The following GDA variants were observed in gnomAD, a reference collection of about 807,000 sequenced individuals.
The protein encoded by GDA is guanine deaminase.
A neutral mutation model predicts 59.6 loss-of-function variants in GDA; 18 were observed. The observed-to-expected ratio is 0.30, with a 90% CI of 0.21 to 0.45. The LOEUF (loss-of-function observed/expected upper bound fraction) is 0.45, where lower values mean the gene tolerates loss of function less well. Ranked by LOEUF, GDA falls within the 20% of genes least tolerant of loss-of-function variation. The pLI is 1.00. For synonymous variants in GDA, 201 were observed against 201.1 expected, an observed-to-expected ratio of 1.00 and a Z score of 0.00; for missense variants, 427 against 552.3, an observed-to-expected ratio of 0.77 and a Z score of 2.27.
intron 1 of GDA, among the ~76,000 whole-genome samples, chr9:72,176,417 G>A (rs1830549340): frequency 6.6e-6 from 1 of 152,228 alleles, no homozygotes; most frequent in Non-Finnish European, 1.5e-5. Flanking sequence ...GTGAAGGAGG[G>A]AACTCGGCTC....
intron 5 of GDA, among the ~76,000 whole-genome samples, chr9:72,217,463 A>C (rs1481936707): frequency 6.6e-6 from 1 of 152,224 alleles, no homozygotes; most frequent in Admixed American, 6.5e-5. Flanking sequence ...ACTGCGTCGA[A>C]TTAAAGTTGA....
Position 72,251,219 on chromosome 9 carries a change from C to T in GDA, c.*2877C>T, listed in dbSNP as rs185666391. 7 of 175,252 alleles carry T rather than the reference C, an allele frequency of 4.0e-5. No homozygotes were observed. In the East Asian group the frequency reaches 1.2e-3, roughly 30 times the overall value. 10.9% of individuals were successfully genotyped at this position (175,252 alleles called of 1,614,324 possible). On this transcript the variant is annotated 3_prime_UTR_variant, in exon 14 of 14. Coordinates refer to ENST00000358399, the MANE Select transcript of GDA (RefSeq NM_004293.5). ...GGGAAACTCTCCCCGTAATGCTTAGCCAACTTTAAAGTGTACCCTTCAATA... is the reference window on the plus strand; with the variant it reads ...GGGAAACTCTCCCCGTAATGCTTAGTCAACTTTAAAGTGTACCCTTCAATA...
At chr9:72,256,642 CTT>C (rs1840889817), downstream of GDA, among the ~76,000 whole-genome samples, 1 of 152,190 alleles carries the variant, frequency 6.6e-6, no homozygotes, top group Admixed American at 6.5e-5. Context: ...ATCATAAAGA[CTT>C]GACTTCTGGA....
intron 1 of GDA, among the ~76,000 whole-genome samples, chr9:72,119,743 A>G (rs1465563857): frequency 6.6e-6 from 1 of 152,190 alleles, no homozygotes; most frequent in Admixed American, 6.5e-5. Flanking sequence ...CTCCTAATCA[A>G]ATGTCATTAT....
intron 1 of GDA, among the ~76,000 whole-genome samples, chr9:72,158,070 C>T (rs765504745): frequency 1.3e-5 from 2 of 152,190 alleles, no homozygotes; most frequent in African/African-American, 2.4e-5. Flanking sequence ...AGGCCCAGCT[C>T]TGATCTTCTC....
chr9:72,170,186 C>T (rs894261954), intron 1 of GDA, among the ~76,000 whole-genome samples: 1 of 152,178 alleles, frequency 6.6e-6, no homozygotes, highest in African/African-American at 2.4e-5. Flanking sequence ...GAATGCTGTG[C>T]TTATGAAAAC....
intron 1 of GDA, among the ~76,000 whole-genome samples, chr9:72,170,840 G>A (rs1189534558): frequency 2.6e-5 from 4 of 151,946 alleles, no homozygotes; most frequent in African/African-American, 9.7e-5. Context: ...TGTTGAGATA[G>A]GCCCTCGCTC....
Position 72,248,510 on chromosome 9 carries a change from A to G in GDA, c.*168A>G. ...TGACAAATAGTTCGAAGGAAGTTGC[A>G]CTAATTCTCAACTCTGGTTGAGAGG... On this transcript the variant is annotated 3_prime_UTR_variant, in exon 14 of 14. Transcript: ENST00000358399. 4.9e-6 allele frequency: 7 copies of G among 1,423,042 alleles called. No homozygotes were observed. The highest frequency in any genetic ancestry group is 5.5e-6 in the Non-Finnish European group (6 of 1,088,444). 88.2% of individuals were successfully genotyped at this position (1,423,042 alleles called of 1,614,324 possible).
At chr9:72,118,983 TTGAA>T (rs1333452002) in intron 1 of GDA, among the ~76,000 whole-genome samples, 2 of 152,142 alleles carry the variant, frequency 1.3e-5, no homozygotes, top group African/African-American at 4.8e-5. Context: ...TACATATTTA[TTGAA>T]TGGTCACTAA....
At chr9:72,201,979 C>T (rs1012091927) in intron 2 of GDA, among the ~76,000 whole-genome samples, 8 of 152,186 alleles carry the variant, frequency 5.3e-5, no homozygotes, top group African/African-American at 1.7e-4. Flanking sequence ...TGTGGTCCAT[C>T]TCCTGAGATC....
At chr9:72,194,282 G>A (rs929597935) in intron 1 of GDA, 2 of 152,180 alleles carry the variant, frequency 1.3e-5, no homozygotes, top group Non-Finnish European at 2.9e-5. Flanking sequence ...ACCTGGTATT[G>A]CTGCTGGTTA....
intron 1 of GDA, among the ~76,000 whole-genome samples, chr9:72,187,996 CAT>C (rs548734891): frequency 4.5e-4 from 69 of 152,264 alleles, no homozygotes; most frequent in African/African-American, 1.6e-3. Flanking sequence ...TAGCTGAAGA[CAT>C]ATTTAAGCAG....
At chr9:72,151,800 T>A (rs1226933138) in intron 1 of GDA, among the ~76,000 whole-genome samples, 1 of 152,038 alleles carries the variant, frequency 6.6e-6, no homozygotes, top group Non-Finnish European at 1.5e-5. Context: ...GAGTTGGGGT[T>A]TCAATGTGTT....
In GDA at chr9:72,249,661, G is replaced by A. The variant is rs2131876322; in HGVS notation, c.*1319G>A. 1 of 639,174 alleles carries A rather than the reference G, an allele frequency of 1.6e-6. No individual in the cohort carries two copies. Among genetic ancestry groups the A allele is most frequent in the African/African-American group, 2.0e-5 (1 of 50,752 alleles). 39.6% of individuals were successfully genotyped at this position (639,174 alleles called of 1,614,324 possible). Reference sequence around the variant, plus strand: ...TAAATCTTTAAGTATTGGTGTGAATGTTATTTAAATTCTATATTTTTCTTA... The same window carrying A: ...TAAATCTTTAAGTATTGGTGTGAATATTATTTAAATTCTATATTTTTCTTA... On this transcript the variant is annotated 3_prime_UTR_variant, in exon 14 of 14. Transcript: ENST00000358399.
chr9:72,239,622 T>C (rs1456592523), intron 10 of GDA, among the ~76,000 whole-genome samples: 2 of 152,158 alleles, frequency 1.3e-5, no homozygotes, highest in African/African-American at 4.8e-5. Flanking sequence ...ATATTTAACA[T>C]TTTTGTTGTT....
chr9:72,177,260 C>T (rs1040042261), intron 1 of GDA, among the ~76,000 whole-genome samples: 1 of 151,802 alleles, frequency 6.6e-6, no homozygotes, highest in Admixed American at 6.6e-5. Flanking sequence ...CACCGCATGG[C>T]TAACTTTTTG....
At chr9:72,145,283 A>G (rs1260849839), upstream of GDA, among the ~76,000 whole-genome samples, 1 of 152,194 alleles carries the variant, frequency 6.6e-6, no homozygotes, top group Non-Finnish European at 1.5e-5. Flanking sequence ...GCAGTGGCCA[A>G]GTGAGTCATG....
At chr9:72,121,495 G>A (rs146263593) in intron 1 of GDA, among the ~76,000 whole-genome samples, 29 of 152,288 alleles carry the variant, frequency 1.9e-4, no homozygotes, top group African/African-American at 7.0e-4. Context: ...TACTCGGGAG[G>A]CTGAGGCAGG....
intron 1 of GDA, among the ~76,000 whole-genome samples, chr9:72,181,641 C>T (rs951177113): frequency 1.3e-5 from 2 of 151,934 alleles, no homozygotes; most frequent in Admixed American, 6.6e-5. Flanking sequence ...TCTTTTTTCA[C>T]TTTCTTTTTT....
Sources: gnomAD v4.1 joint callset for allele counts (sites outside exome capture counted in the v4.1 genomes callset) on GRCh38, gnomAD v4.1.1 for gene constraint, MANE v1.5 for transcripts, NCBI Gene and HGNC (gene_info 2026-07-23, HGNC 2026-07-21) for gene names.